SLC25A21: variants seen among roughly 807,000 people sequenced by gnomAD.
The protein encoded by SLC25A21 is mitochondrial 2-oxodicarboxylate carrier.
A neutral mutation model predicts 43.8 loss-of-function variants in SLC25A21; 47 were observed. That is an observed-to-expected ratio of 1.07 (90% confidence interval 0.85 to 1.37). The LOEUF is 1.37. Among genes scored for constraint, SLC25A21 ranks in the 40% most tolerant of loss-of-function variants. The pLI is 0.00. For synonymous variants in SLC25A21, 131 were observed against 121.3 expected (o/e 1.08, Z -0.52); for missense variants, 352 against 350.2 (o/e 1.00, Z -0.04).
intron 1 of SLC25A21, among the ~76,000 whole-genome samples, chr14:37,005,547 A>G (rs991554333): frequency 2.0e-5 from 3 of 152,224 alleles, no homozygotes; most frequent in African/African-American, 7.2e-5. Flanking sequence ...AGCATCTGTT[A>G]AAAATTGAGT....
intron 7 of SLC25A21, among the ~76,000 whole-genome samples, chr14:36,710,415 G>GA (rs940580516): frequency 3.6e-4 from 55 of 150,782 alleles, no homozygotes; most frequent in Middle Eastern, 6.8e-3. Context: ...AGGAAACGGG[G>GA]AAAAAAAAGA....
At chr14:36,932,649 C>T (rs928052404) in intron 1 of SLC25A21, among the ~76,000 whole-genome samples, 13 of 152,050 alleles carry the variant, frequency 8.5e-5, no homozygotes, top group African/African-American at 3.1e-4. Flanking sequence ...TAATATTTAT[C>T]ATATACATGA....
intron 1 of SLC25A21, among the ~76,000 whole-genome samples, chr14:36,942,724 C>A (rs945654465): frequency 6.6e-6 from 1 of 152,132 alleles, no homozygotes; most frequent in Non-Finnish European, 1.5e-5. Context: ...GCTGGTCACA[C>A]TAGTCTGTTC....
At chr14:37,004,149 G>A (rs2022584) in intron 1 of SLC25A21, among the ~76,000 whole-genome samples, 67,112 of 151,956 alleles carry the variant, frequency 0.44, 18,106 homozygotes, top group African/African-American at 0.77. Flanking sequence ...TCTCTGTGGC[G>A]TTAAGACAAC....
intron 1 of SLC25A21, among the ~76,000 whole-genome samples, chr14:37,112,897 C>A (rs1430076851): frequency 6.6e-6 from 1 of 152,044 alleles, no homozygotes; most frequent in East Asian, 1.9e-4. Flanking sequence ...TTTGATACAG[C>A]AACTTAGATT....
chr14:36,873,591 G>C (rs1297174188), intron 2 of SLC25A21, among the ~76,000 whole-genome samples: 3 of 152,040 alleles, frequency 2.0e-5, no homozygotes, highest in Non-Finnish European at 4.4e-5. Flanking sequence ...CCACCGCGCA[G>C]GGCCCCTGGT....
chr14:36,867,696 G>T (rs1015583672), intron 2 of SLC25A21, among the ~76,000 whole-genome samples: 5 of 151,848 alleles, frequency 3.3e-5, no homozygotes, highest in African/African-American at 1.2e-4. Flanking sequence ...TCCCATACTT[G>T]TACCCTCACT....
chr14:36,763,978 G>A (rs1480295410), intron 3 of SLC25A21, among the ~76,000 whole-genome samples: 4 of 148,868 alleles, frequency 2.7e-5, no homozygotes, highest in Non-Finnish European at 5.9e-5. Flanking sequence ...GCAGTGAGTG[G>A]AGATCGTGCC....
At chr14:37,143,620 C>T (rs1237337225) in intron 1 of SLC25A21, among the ~76,000 whole-genome samples, 1 of 122,708 alleles carries the variant, frequency 8.1e-6, no homozygotes, top group East Asian at 3.3e-4. Flanking sequence ...GTGTGTGTGT[C>T]TGTAATTTGT....
At chr14:36,861,773 C>T (rs1019384449) in intron 2 of SLC25A21, among the ~76,000 whole-genome samples, 2 of 152,174 alleles carry the variant, frequency 1.3e-5, no homozygotes, top group African/African-American at 4.8e-5. Flanking sequence ...TAAGCTAGAG[C>T]TAATCTCAGA....
chr14:37,167,085 C>A (rs955630916), intron 1 of SLC25A21, among the ~76,000 whole-genome samples: 1 of 152,022 alleles, frequency 6.6e-6, no homozygotes, highest in African/African-American at 2.4e-5. Context: ...CAAGAATTGC[C>A]GGCAGACCTG....
At chr14:36,770,914 T>C (rs1886596586) in intron 3 of SLC25A21, among the ~76,000 whole-genome samples, 1 of 152,222 alleles carries the variant, frequency 6.6e-6, no homozygotes, top group Admixed American at 6.5e-5. Context: ...GTTGTTTAAC[T>C]TATACTCTGG....
At chr14:36,945,689 A>G (rs952657241) in intron 1 of SLC25A21, among the ~76,000 whole-genome samples, 1 of 152,134 alleles carries the variant, frequency 6.6e-6, no homozygotes, top group African/African-American at 2.4e-5. Flanking sequence ...CAGAAAATAG[A>G]ATGTTGGCAT....
At chr14:37,084,910 T>C (rs1420997177) in intron 1 of SLC25A21, among the ~76,000 whole-genome samples, 1 of 152,242 alleles carries the variant, frequency 6.6e-6, no homozygotes, top group Non-Finnish European at 1.5e-5. Flanking sequence ...TCTATTCCTT[T>C]TTCCTTTATT....
At chr14:36,712,066 C>A (rs4904582) in intron 6 of SLC25A21, among the ~76,000 whole-genome samples, 96,744 of 152,030 alleles carry the variant, frequency 0.64, 31,692 homozygotes, top group East Asian at 0.87. Context: ...GTGATAAATT[C>A]TACATAAATG....
chr14:36,880,626 C>T (rs1367028), intron 1 of SLC25A21, among the ~76,000 whole-genome samples: 65,196 of 151,300 alleles, frequency 0.43, 15,438 homozygotes, highest in Non-Finnish European at 0.52. Context: ...GGGTTTCTGC[C>T]GATGCCATTA....
chr14:37,055,515 T>C (rs1277971404), intron 1 of SLC25A21, among the ~76,000 whole-genome samples: 1 of 152,192 alleles, frequency 6.6e-6, no homozygotes, highest in Non-Finnish European at 1.5e-5. Flanking sequence ...ATAGAACTTC[T>C]TATGACTTGG....
intron 2 of SLC25A21, among the ~76,000 whole-genome samples, chr14:36,834,846 C>G (rs1014604479): frequency 6.6e-5 from 10 of 152,074 alleles, no homozygotes; most frequent in African/African-American, 9.7e-5. Context: ...AAAATCTTTT[C>G]CTAGATATAT....
chr14:36,925,956 A>T (rs1463539199), intron 1 of SLC25A21, among the ~76,000 whole-genome samples: 2 of 152,178 alleles, frequency 1.3e-5, no homozygotes, highest in Non-Finnish European at 2.9e-5. Flanking sequence ...TCAGCTGAAG[A>T]CAGAAAATCA....
Sources: gnomAD v4.1 joint callset for allele counts (sites outside exome capture counted in the v4.1 genomes callset) on GRCh38, gnomAD v4.1.1 for gene constraint, MANE v1.5 for transcripts, NCBI Gene and HGNC (gene_info 2026-07-23, HGNC 2026-07-21) for gene names.